Variants in PRKN observed in about 807,000 individuals in gnomAD.
PRKN encodes parkin RBR E3 ubiquitin protein ligase.
Under a neutral mutation model 59.5 loss-of-function variants are expected in PRKN, and 56 were observed. The observed-to-expected ratio is 0.94, with a 90% CI of 0.76 to 1.18. The LOEUF (loss-of-function observed/expected upper bound fraction) is 1.18. Among genes scored for constraint, PRKN ranks in the 50% most tolerant of loss-of-function variants. The probability of loss-of-function intolerance (pLI) is 0.00; values close to 1 mark genes in which losing one functional copy is unlikely to be tolerated. For missense variants in PRKN, 657 were observed against 596.4 expected (o/e 1.10, Z -1.06); for synonymous variants, 250 against 222.1 (o/e 1.13, Z -1.12).
intron 1 of PRKN, among the ~76,000 whole-genome samples, chr6:162,451,580 A>G (rs1387613255): frequency 1.3e-5 from 2 of 151,766 alleles, no homozygotes; most frequent in East Asian, 3.9e-4. Context: ...AAAGAAAAAA[A>G]GAGAGAGAGA....
intron 9 of PRKN, among the ~76,000 whole-genome samples, chr6:161,412,505 CCACT>C (rs1335334150): frequency 1.3e-5 from 2 of 148,446 alleles, no homozygotes; most frequent in African/African-American, 2.5e-5. Flanking sequence ...ACTCATTCCT[CCACT>C]CACTCATTCC....
At position 162,608,223 on chromosome 6, in the gene PRKN, C is replaced by T. The variant is rs182080666; in HGVS notation, c.7+119439G>A. Among the ~76,000 whole-genome samples the T allele has an allele frequency of 2.2e-4, 33 of 152,210 alleles. 2 individuals are homozygous for T. Among genetic ancestry groups the T allele is most frequent in the Admixed American group, 2.1e-3 (32 of 15,292 alleles). The stretch of plus-strand genomic sequence containing the variant: ...AAAGAAAAAGGGAAGACTGACGTAT[C>T]GGGAGAAAATACAGGAGTCAATAGA... On this transcript the variant is annotated intron_variant, in intron 1 of 11. Coordinates refer to ENST00000366898, the MANE Select transcript of PRKN (RefSeq NM_004562.3).
chr6:162,704,617 C>T (rs1469224614), intron 1 of PRKN, among the ~76,000 whole-genome samples: 2 of 152,076 alleles, frequency 1.3e-5, no homozygotes, highest in Non-Finnish European at 2.9e-5. Context: ...GGACAATCAG[C>T]TAAGAAATTT....
At position 162,002,855 on chromosome 6, in the gene PRKN, C is replaced by T. The variant is rs1265922795; in HGVS notation, c.619-29438G>A. On this transcript the variant is annotated intron_variant, in intron 5 of 11. Transcript: ENST00000366898. ...TCATTTTCATCTGATTTCAAATACTCTTGTGATTTATTATTTGACTCATGT... is the reference window on the plus strand; with the variant it reads ...TCATTTTCATCTGATTTCAAATACTTTTGTGATTTATTATTTGACTCATGT... Among the ~76,000 whole-genome samples, 3 of 151,968 alleles carry T rather than the reference C, an allele frequency of 2.0e-5. No individual in the cohort carries two copies. The South Asian group carries it at 6.2e-4, about 32-fold the overall frequency.
intron 9 of PRKN, among the ~76,000 whole-genome samples, chr6:161,411,500 T>C (rs1352336256): frequency 1.3e-5 from 2 of 152,300 alleles, no homozygotes; most frequent in East Asian, 3.9e-4. Flanking sequence ...TTATTAGCAG[T>C]GTGAGAACAG....
intron 7 of PRKN, among the ~76,000 whole-genome samples, chr6:161,570,136 A>ATATAT (rs1302503218): frequency 7.4e-6 from 1 of 135,170 alleles, no homozygotes; most frequent in African/African-American, 2.9e-5. Context: ...AAAAAAAAAA[A>ATATAT]AAAAAAAAAA....
rs1786976927 is a variant in PRKN, at chr6:161,400,416, TCC to T, written c.1084-13541_1084-13540del. On this transcript the variant is annotated intron_variant, in intron 9 of 11. Coordinates refer to ENST00000366898, the MANE Select transcript of PRKN (RefSeq NM_004562.3). This position sits in a 1 kb window ranked among gnomAD's most constrained non-coding sequence, Gnocchi z 4.2. ...TGTACCTCCCAGGTTCAAGCAATTC[TCC>T]TGCCTCAGCCTCCCAAGTAGCTGGA... 6.6e-6 allele frequency among the ~76,000 whole-genome samples: 1 copy of T among 151,866 alleles called. No homozygotes were observed. Among genetic ancestry groups the T allele is most frequent in the Non-Finnish European group, 1.5e-5 (1 of 67,986 alleles).
At chr6:161,954,928 A>T (rs1266976738) in intron 6 of PRKN, among the ~76,000 whole-genome samples, 1 of 152,224 alleles carries the variant, frequency 6.6e-6, no homozygotes, top group Non-Finnish European at 1.5e-5. Context: ...AATGGAAAAG[A>T]GCCAGCCCCA....
intron 4 of PRKN, among the ~76,000 whole-genome samples, chr6:162,199,230 G>C (rs1784622401): frequency 6.7e-6 from 1 of 148,600 alleles, no homozygotes; most frequent in Admixed American, 6.7e-5. Flanking sequence ...AAAAAAAAAA[G>C]CTGAAAAGCT....
chr6:161,524,180 T>C (rs1778937728), intron 9 of PRKN, among the ~76,000 whole-genome samples: 2 of 152,192 alleles, frequency 1.3e-5, no homozygotes, highest in Admixed American at 1.3e-4. Context: ...GGAATTATTT[T>C]AGATCGTGGA....
intron 2 of PRKN, among the ~76,000 whole-genome samples, chr6:162,392,940 T>C (rs568542784): frequency 7.2e-5 from 11 of 152,036 alleles, no homozygotes; most frequent in Admixed American, 5.2e-4. Context: ...ACTGCTAAGC[T>C]TTCTCTGACT....
At position 161,532,954 on chromosome 6, in the gene PRKN, C is replaced by A. The variant is rs552372796; in HGVS notation, c.1083+15900G>T. ...TGTATGTTGGATACCATGGTGGATGCTGAGGAAACAGTAAGGAAAATTTGC... is the reference window on the plus strand; with the variant it reads ...TGTATGTTGGATACCATGGTGGATGATGAGGAAACAGTAAGGAAAATTTGC... On this transcript the variant is annotated intron_variant, in intron 9 of 11. Transcript: ENST00000366898. Among the ~76,000 whole-genome samples the A allele has an allele frequency of 3.9e-5, 6 of 152,200 alleles. No homozygotes were observed. The South Asian group carries it at 1.0e-3, about 26-fold the overall frequency.
intron 6 of PRKN, among the ~76,000 whole-genome samples, chr6:161,826,834 A>T (rs1325558590): frequency 1.3e-5 from 2 of 152,242 alleles, no homozygotes; most frequent in Non-Finnish European, 2.9e-5. Flanking sequence ...TCAGGCAAAT[A>T]TGCATGATCG....
At chr6:161,523,442 A>C (rs1419350077) in intron 9 of PRKN, among the ~76,000 whole-genome samples, 1 of 152,236 alleles carries the variant, frequency 6.6e-6, no homozygotes, top group Non-Finnish European at 1.5e-5. Context: ...ATAGAGACAG[A>C]AAAAGTGACA....
intron 5 of PRKN, among the ~76,000 whole-genome samples, chr6:162,031,853 T>C (rs1783655082): frequency 6.6e-6 from 1 of 152,170 alleles, no homozygotes; most frequent in African/African-American, 2.4e-5. Flanking sequence ...TTGTGGATCG[T>C]TGCATGTCCT....
At chr6:162,346,535 C>T (rs1302522903) in intron 2 of PRKN, among the ~76,000 whole-genome samples, 1 of 151,470 alleles carries the variant, frequency 6.6e-6, no homozygotes, top group Admixed American at 6.6e-5. Context: ...GTGGGAAGAT[C>T]ACAGGAGCCC....
In PRKN at chr6:162,393,155, CTTT is replaced by C. The variant is rs1177332315; in HGVS notation, c.171+50152_171+50154del. 2.9e-4 allele frequency among the ~76,000 whole-genome samples: 23 copies of C among 80,168 alleles called. 1 individual carries two copies. Among genetic ancestry groups the C allele is most frequent in the East Asian group, 5.9e-4 (1 of 1,682 alleles). The allele number at this position is 80,168 out of a possible 152,430, so 52.6% of individuals were successfully genotyped here. A position where few individuals can be genotyped will look rare whatever the true frequency, so the allele number is the denominator to read the frequency against. On this transcript the variant is annotated intron_variant, in intron 2 of 11. Coordinates refer to ENST00000366898, the MANE Select transcript of PRKN (RefSeq NM_004562.3). Reference sequence around the variant, plus strand: ...TGATACTGGGTGAGGATAGGAGATTCTTTTTTTTTTTTTTTTTTTTTTGAGACA... The same window carrying C: ...TGATACTGGGTGAGGATAGGAGATTCTTTTTTTTTTTTTTTTTTTGAGACA...
At position 162,056,848 on chromosome 6, in the gene PRKN, T is replaced by C. The variant is rs1462669886; in HGVS notation, c.535-2674A>G. Among the ~76,000 whole-genome samples, 1 of 152,176 alleles carries C rather than the reference T, an allele frequency of 6.6e-6. No homozygotes were observed. The highest frequency in any genetic ancestry group is 2.4e-5 in the African/African-American group (1 of 41,446). On this transcript the variant is annotated intron_variant, in intron 4 of 11. Coordinates refer to ENST00000366898, the MANE Select transcript of PRKN (RefSeq NM_004562.3). The surrounding 1 kb of genome is among the most constrained non-coding windows in gnomAD (Gnocchi z 4.9). ...GGCACTGACTCTCCATTGAGCTTCC[T>C]GGCAGACAACACTTCACACGCGTTG...
intron 6 of PRKN, among the ~76,000 whole-genome samples, chr6:161,938,690 C>G (rs1460830736): frequency 6.6e-6 from 1 of 152,144 alleles, no homozygotes; most frequent in African/African-American, 2.4e-5. Context: ...ATCCTGTCAT[C>G]TGATTTATGG....
Sources: gnomAD v4.1 joint callset for allele counts (sites outside exome capture counted in the v4.1 genomes callset) on GRCh38, gnomAD v4.1.1 for gene constraint, Gnocchi (gnomAD v3.1) non-coding constraint, MANE v1.5 for transcripts, NCBI Gene and HGNC (gene_info 2026-07-23, HGNC 2026-07-21) for gene names.